Variants in AIG1 observed in about 807,000 individuals in gnomAD.
AIG1 encodes androgen-induced gene 1 protein.
AIG1 carries 23 observed loss-of-function variants against 31.4 expected under a neutral mutation model. The ratio of observed to expected loss-of-function variants is 0.73; its 90% CI spans 0.53 to 1.04. The LOEUF (loss-of-function observed/expected upper bound fraction) is 1.04. Ranked by LOEUF, AIG1 falls within the 50% of genes least tolerant of loss-of-function variation. AIG1 has a pLI of 0.00. For missense variants in AIG1, 274 were observed against 295.0 expected, an observed-to-expected ratio of 0.93 and a Z score of 0.52; for synonymous variants, 100 against 110.5, an observed-to-expected ratio of 0.90 and a Z score of 0.60.
intron 1 of AIG1, among the ~76,000 whole-genome samples, chr6:143,085,380 C>T (rs547845017): frequency 4.6e-5 from 7 of 152,122 alleles, no homozygotes; most frequent in South Asian, 4.1e-4. Context: ...TTATTGGATT[C>T]GTTACGCTCA....
chr6:143,295,143 A>G (rs1798334376), intron 4 of AIG1, among the ~76,000 whole-genome samples: 2 of 152,060 alleles, frequency 1.3e-5, no homozygotes, highest in Admixed American at 6.6e-5. Context: ...GACATCCTCA[A>G]CCCATCTCTC....
intron 3 of AIG1, among the ~76,000 whole-genome samples, chr6:143,260,098 A>ACTGCAAGCTCCGCCTCC (rs1795649586): frequency 7.3e-6 from 1 of 136,126 alleles, no homozygotes; most frequent in African/African-American, 2.8e-5. Flanking sequence ...ATCTCGGCTC[A>ACTGCAAGCTCCGCCTCC]CTGCAAGCTC....
intron 3 of AIG1, among the ~76,000 whole-genome samples, chr6:143,253,522 C>T (rs1403330774): frequency 1.3e-5 from 2 of 152,206 alleles, no homozygotes; most frequent in African/African-American, 2.4e-5. Flanking sequence ...AAGTTAGGAG[C>T]TTTATACCTC....
chr6:143,136,979 C>A lies in AIG1; in HGVS notation c.286C>A (p.Pro96Thr). ...CTGGATGTTAGCTGTGTTGGCCTTT[C>A]CTGTTGGGGTTGTGAGTATGATGGA... ...RDWMLAVLAF[P>T]VGVFVVAVFW... The change falls in exon 2 of 6, where the codon CCT (proline) becomes ACT (threonine). Residue 96 changes from proline to threonine, a missense_variant. Pro to Thr is a conservative substitution (Grantham distance 38, BLOSUM62 -1). Coordinates refer to ENST00000357847, the MANE Select transcript of AIG1 (RefSeq NM_016108.4). 7.0e-7 allele frequency: 1 copy of A among 1,431,106 alleles called. No individual in the cohort carries two copies. Among genetic ancestry groups the A allele is most frequent in the Non-Finnish European group, 9.3e-7 (1 of 1,074,028 alleles). The allele number at this position is 1,431,106 out of a possible 1,614,324, so 88.7% of individuals were successfully genotyped here.
intron 1 of AIG1, among the ~76,000 whole-genome samples, chr6:143,105,537 A>G (rs979241148): frequency 1.3e-5 from 2 of 152,338 alleles, no homozygotes; most frequent in African/African-American, 2.4e-5. Flanking sequence ...CTGAGAAAAA[A>G]CTGCCGAATG....
At chr6:143,255,876 T>C (rs769148561) in intron 3 of AIG1, among the ~76,000 whole-genome samples, 12 of 152,230 alleles carry the variant, frequency 7.9e-5, no homozygotes, top group Non-Finnish European at 1.5e-4. Context: ...TGTTGCTCTT[T>C]TCTCTCTCAA....
intron 4 of AIG1, among the ~76,000 whole-genome samples, chr6:143,290,310 C>T (rs1375612707): frequency 6.6e-6 from 1 of 152,200 alleles, no homozygotes; most frequent in Non-Finnish European, 1.5e-5. Flanking sequence ...ATCAAGTGTG[C>T]AGTTTGACCC....
chr6:143,110,759 A>C (rs534462999), intron 1 of AIG1, among the ~76,000 whole-genome samples: 1 of 152,196 alleles, frequency 6.6e-6, no homozygotes, highest in Admixed American at 6.5e-5. Flanking sequence ...AATCTTTGGA[A>C]TATCCTTAAA....
intron 3 of AIG1, among the ~76,000 whole-genome samples, chr6:143,229,746 T>A (rs1313863683): frequency 1.3e-5 from 2 of 148,762 alleles, no homozygotes; most frequent in African/African-American, 5.0e-5. Flanking sequence ...TTTGTAATAA[T>A]TTCATTTTTA....
In AIG1 at chr6:143,304,346, G is replaced by A. The variant is rs1355348936; in HGVS notation, c.515+20121G>A. On this transcript the variant is annotated intron_variant, in intron 4 of 5. Coordinates refer to ENST00000357847, the MANE Select transcript of AIG1 (RefSeq NM_016108.4). ...CTTCCAGTTTTTGCCCATTCAGTAT[G>A]ATATTGGCTGTGGGTTTGTCATAGA... Among the ~76,000 whole-genome samples the A allele has an allele frequency of 6.1e-4, 92 of 151,096 alleles. 1 individual carries two copies. The highest frequency in any genetic ancestry group is 2.2e-3 in the African/African-American group (91 of 41,046).
intron 2 of AIG1, among the ~76,000 whole-genome samples, chr6:143,145,784 A>T (rs940258449): frequency 1.3e-5 from 2 of 152,228 alleles, no homozygotes; most frequent in African/African-American, 4.8e-5. Context: ...AAAATAAGTA[A>T]AAACTAGTAG....
chr6:143,153,258 T>C (rs1342933154), intron 2 of AIG1, among the ~76,000 whole-genome samples: 1 of 152,244 alleles, frequency 6.6e-6, no homozygotes, highest in Non-Finnish European at 1.5e-5. Flanking sequence ...AAGTCACTGC[T>C]ACTTCTCTTT....
chr6:143,100,690 CTT>C (rs35504854), intron 1 of AIG1, among the ~76,000 whole-genome samples: 25 of 145,368 alleles, frequency 1.7e-4, no homozygotes, highest in African/African-American at 3.5e-4. Flanking sequence ...AGTTTATTCT[CTT>C]TTTTTTTTTT....
chr6:143,186,647 C>T (rs964716655), intron 3 of AIG1: 1 of 152,202 alleles, frequency 6.6e-6, no homozygotes, highest in Non-Finnish European at 1.5e-5. Context: ...GTCTTTTTTG[C>T]TCTGTTCTTT....
At chr6:143,223,308 C>T (rs1360137098) in intron 3 of AIG1, among the ~76,000 whole-genome samples, 1 of 152,142 alleles carries the variant, frequency 6.6e-6, no homozygotes, top group Non-Finnish European at 1.5e-5. Flanking sequence ...TGTGCTGTAA[C>T]GAGTCCTCCA....
At chr6:143,060,855 C>T (rs567422018), upstream of AIG1, 19 of 1,097,174 alleles carry the variant, frequency 1.7e-5, no homozygotes, top group African/African-American at 1.4e-4. Flanking sequence ...ACGGCGCCCG[C>T]CCCCGCGCGC....
chr6:143,065,753 C>T lies in AIG1; in HGVS notation c.141+4687C>T, dbSNP rs185486381. Reference sequence around the variant, plus strand: ...GATAGGAATTTAAAAATGTATCAACCAGAACATTATTCATATGTATATGGT... The same window carrying T: ...GATAGGAATTTAAAAATGTATCAACTAGAACATTATTCATATGTATATGGT... On this transcript the variant is annotated intron_variant, in intron 1 of 5. Coordinates refer to ENST00000357847, the MANE Select transcript of AIG1 (RefSeq NM_016108.4). Among the ~76,000 whole-genome samples, 707 of 152,302 alleles carry T rather than the reference C, an allele frequency of 4.6e-3. 8 individuals carry two copies. Among genetic ancestry groups the T allele is most frequent in the African/African-American group, 0.014 (572 of 41,554 alleles).
intron 1 of AIG1, among the ~76,000 whole-genome samples, chr6:143,065,171 TG>T (rs1776585108): frequency 6.6e-6 from 1 of 152,234 alleles, no homozygotes; most frequent in Admixed American, 6.5e-5. Flanking sequence ...TTACTTCTTT[TG>T]TGGTTTTTCG....
chr6:143,136,691 C>A, intron 1 of AIG1, 144 bp from the exon 2 acceptor site: 1 of 781,300 alleles, frequency 1.3e-6, no homozygotes, highest in Non-Finnish European at 1.8e-6. Flanking sequence ...AATGTCTGTT[C>A]TCTATTTCTA....
Sources: gnomAD v4.1 joint callset for allele counts (sites outside exome capture counted in the v4.1 genomes callset) on GRCh38, gnomAD v4.1.1 for gene constraint, MANE v1.5 for transcripts, NCBI Gene and HGNC (gene_info 2026-07-23, HGNC 2026-07-21) for gene names.